ARHGEF28: variants seen among roughly 807,000 people sequenced by gnomAD.
ARHGEF28 encodes 190 kDa guanine nucleotide exchange factor.
A neutral mutation model predicts 206.6 loss-of-function variants in ARHGEF28; 152 were observed. The observed-to-expected ratio is 0.74, with a 90% CI of 0.64 to 0.84. ARHGEF28 has a LOEUF of 0.84. Among genes scored for constraint, ARHGEF28 ranks in the 40% least tolerant of loss-of-function variants. The pLI is 0.00. For missense variants in ARHGEF28, 2,028 were observed against 2,073.2 expected, an observed-to-expected ratio of 0.98 and a Z score of 0.42; for synonymous variants, 763 against 776.4, an observed-to-expected ratio of 0.98 and a Z score of 0.29.
At position 73,909,909 on chromosome 5, in the gene ARHGEF28, C is replaced by A; in HGVS notation, c.4647+12C>A. On this transcript the variant is annotated intron_variant, in intron 34 of 35. Transcript: ENST00000513042. ...CGGGTGGCCCCGAGGTATGGACCTT[C>A]TGCGGTGCTGTGAGGCAGCCTCTCA... The A allele has an allele frequency of 6.7e-7, 1 of 1,490,758 alleles. No individual in the cohort carries two copies. Among genetic ancestry groups the A allele is most frequent in the Non-Finnish European group, 8.9e-7 (1 of 1,129,648 alleles). The allele number at this position is 1,490,758 out of a possible 1,614,324, so 92.3% of individuals were successfully genotyped here. A position where few individuals can be genotyped will look rare whatever the true frequency, so the allele number is the denominator to read the frequency against.
chr5:73,863,443 G>A (rs1229813160), intron 16 of ARHGEF28: 9 of 152,048 alleles, frequency 5.9e-5, no homozygotes, highest in African/African-American at 2.2e-4. Flanking sequence ...TCTGGAGGGA[G>A]TCTTTCAAGT....
intron 7 of ARHGEF28, among the ~76,000 whole-genome samples, chr5:73,791,561 T>C (rs1026400565): frequency 8.4e-6 from 1 of 118,772 alleles, no homozygotes; most frequent in Admixed American, 8.2e-5. Flanking sequence ...CATCCTGTGT[T>C]TTTGGTTGTA....
Position 73,893,295 on chromosome 5 carries a change from T to G in ARHGEF28, c.3658+7T>G. 2.6e-6 allele frequency: 4 copies of G among 1,538,532 alleles called. No homozygotes were observed. Among genetic ancestry groups the G allele is most frequent in the Non-Finnish European group, 3.5e-6 (4 of 1,141,314 alleles). ...AAAATTCAGCAATGTCAAGGTACAGTGCAGGCACTTCTGGCTCCCTGGTCG... is the reference window on the plus strand; with the variant it reads ...AAAATTCAGCAATGTCAAGGTACAGGGCAGGCACTTCTGGCTCCCTGGTCG... On this transcript the variant is annotated splice_region_variant and intron_variant, in intron 28 of 35. Coordinates refer to ENST00000513042, the MANE Select transcript of ARHGEF28 (RefSeq NM_001177693.2).
chr5:73,858,275 T>TGTCA, intron 16 of ARHGEF28, 56 bp downstream of exon 16: 1 of 1,518,366 alleles, frequency 6.6e-7, no homozygotes, highest in Non-Finnish European at 8.8e-7. Flanking sequence ...ACAGTAACCT[T>TGTCA]GGGAAGAGGC....
At chr5:73,652,813 G>A (rs1318625048) in intron 1 of ARHGEF28, among the ~76,000 whole-genome samples, 1 of 152,180 alleles carries the variant, frequency 6.6e-6, no homozygotes, top group East Asian at 1.9e-4. Context: ...GGGAAACTGA[G>A]CTTTCAAGTG....
chr5:73,903,893 A>G (rs1038918092), intron 31 of ARHGEF28: 9 of 322,130 alleles, frequency 2.8e-5, no homozygotes, highest in African/African-American at 1.7e-4. Context: ...AGAGAACTCA[A>G]TTCACATTGT....
intron 1 of ARHGEF28, among the ~76,000 whole-genome samples, chr5:73,627,784 G>A (rs545157354): frequency 1.3e-5 from 2 of 152,310 alleles, no homozygotes; most frequent in Admixed American, 1.3e-4. Context: ...CTAATGGTTA[G>A]GGAAACTGAG....
chr5:73,858,404 T>C (rs939042738), intron 16 of ARHGEF28, among the ~76,000 whole-genome samples, 185 bp downstream of exon 16: 1 of 131,242 alleles, frequency 7.6e-6, no homozygotes, highest in African/African-American at 3.1e-5. Context: ...TGATAGCCTG[T>C]CTGAACCCCA....
chr5:73,892,031 T>C (rs1225000081), intron 26 of ARHGEF28, 21 bp from the exon 27 acceptor site: 1 of 1,587,168 alleles, frequency 6.3e-7, no homozygotes, highest in Non-Finnish European at 8.6e-7. Context: ...TTTCATCTGC[T>C]CACCTTCCTA....
At chr5:73,725,063 A>T (rs1041249858) in intron 2 of ARHGEF28, among the ~76,000 whole-genome samples, 2 of 151,234 alleles carry the variant, frequency 1.3e-5, no homozygotes, top group Middle Eastern at 3.4e-3. Flanking sequence ...AAAAAGGTTA[A>T]AAAAAACCCT....
At chr5:73,769,218 A>C (rs1439973432) in intron 4 of ARHGEF28, among the ~76,000 whole-genome samples, 1 of 152,128 alleles carries the variant, frequency 6.6e-6, no homozygotes, top group Non-Finnish European at 1.5e-5. Flanking sequence ...TGTGTGAGAG[A>C]GAGAGGCAGA....
chr5:73,857,901 T>C, intron 15 of ARHGEF28, 122 bp downstream of exon 15: 1 of 1,393,708 alleles, frequency 7.2e-7, no homozygotes, highest in Non-Finnish European at 9.6e-7. Flanking sequence ...ACATATTTCT[T>C]ATGGAATATT....
chr5:73,770,123 C>T (rs1052680420), intron 4 of ARHGEF28, among the ~76,000 whole-genome samples: 2 of 152,242 alleles, frequency 1.3e-5, no homozygotes, highest in East Asian at 3.8e-4. Flanking sequence ...CTTAAACTGT[C>T]TGACCTTCCT....
At chr5:73,683,363 C>T (rs1325431289) in intron 1 of ARHGEF28, among the ~76,000 whole-genome samples, 2 of 152,056 alleles carry the variant, frequency 1.3e-5, no homozygotes, top group Non-Finnish European at 2.9e-5. Flanking sequence ...CTCTGTGTCC[C>T]ACCCCTGGCA....
rs569874052 is a variant in ARHGEF28 at position 73,820,119 on chromosome 5, A to C, written c.1025-12219A>C. On this transcript the variant is annotated intron_variant, in intron 9 of 35. Coordinates refer to ENST00000513042, the MANE Select transcript of ARHGEF28 (RefSeq NM_001177693.2). ...AGTGCCTCGTGGCACAAATTTACCC[A>C]CACTACACCCAGATAGTCTTTATCT... Among the ~76,000 whole-genome samples the C allele has an allele frequency of 5.9e-5, 9 of 152,232 alleles. No homozygotes were observed. The South Asian group carries it at 1.9e-3, about 32-fold the overall frequency.
intron 6 of ARHGEF28, among the ~76,000 whole-genome samples, chr5:73,779,830 G>T (rs1463910016): frequency 1.3e-5 from 2 of 152,286 alleles, no homozygotes; most frequent in East Asian, 3.9e-4. Context: ...CTGCCTGTTT[G>T]TGGTTTGCTA....
chr5:73,858,039 C>T (rs987981114), intron 15 of ARHGEF28, 48 bp from the exon 16 acceptor site: 2 of 1,556,852 alleles, frequency 1.3e-6, no homozygotes, highest in African/African-American at 2.8e-5. Flanking sequence ...CAGCGTTTTC[C>T]TTTTCTCATT....
At chr5:73,915,349 T>G (rs566693253) in intron 35 of ARHGEF28, among the ~76,000 whole-genome samples, 113 of 152,354 alleles carry the variant, frequency 7.4e-4, no homozygotes, top group African/African-American at 2.5e-3. Context: ...AATAAACCCA[T>G]GTTATCTGTA....
chr5:73,812,315 G>T (rs149227652), intron 9 of ARHGEF28, among the ~76,000 whole-genome samples: 19 of 152,264 alleles, frequency 1.2e-4, no homozygotes, highest in African/African-American at 4.3e-4. Context: ...CTGAAGCAAA[G>T]AAATGAATGT....
Sources: allele counts gnomAD v4.1 joint callset (sites outside exome capture counted in the v4.1 genomes callset), GRCh38; gene constraint gnomAD v4.1.1; transcripts MANE v1.5; gene names NCBI Gene and HGNC (gene_info 2026-07-23, HGNC 2026-07-21).